The following PDE4B variants were observed in gnomAD, a reference collection of about 807,000 sequenced individuals.
The protein encoded by PDE4B is phosphodiesterase 4B, also known as 3',5'-cyclic-AMP phosphodiesterase 4B.
A neutral mutation model predicts 82.2 loss-of-function variants in PDE4B; 20 were observed. That is an observed-to-expected ratio of 0.24 (90% CI 0.17 to 0.35). The LOEUF (loss-of-function observed/expected upper bound fraction) is 0.35, where lower values mean the gene tolerates loss of function less well. Among genes scored for constraint, PDE4B ranks in the 10% least tolerant of loss-of-function variants. The pLI, the probability that PDE4B is intolerant of heterozygous loss-of-function variation, is 1.00. For synonymous variants in PDE4B, 320 were observed against 318.9 expected (o/e 1.00, Z -0.04); for missense variants, 655 against 907.2 (o/e 0.72, Z 3.57).
intron 1 of PDE4B, among the ~76,000 whole-genome samples, chr1:65,857,889 CTT>C (rs758685296): frequency 2.8e-5 from 4 of 144,386 alleles, no homozygotes; most frequent in Non-Finnish European, 3.0e-5. Context: ...ATCTTGACTC[CTT>C]TTTTTTTTTT....
rs895998620 is a variant in PDE4B, at chr1:66,189,664, G to A, written c.282-57796G>A. Among the ~76,000 whole-genome samples the A allele has an allele frequency of 2.6e-5, 4 of 152,274 alleles. No homozygotes were observed. In the East Asian group the frequency reaches 7.7e-4, roughly 29 times the overall value. ...TGTGCATTCGTCACGTAGTTCTCAT[G>A]CCATGGTTTTCAGCTCCCTCAGGTC... On this transcript the variant is annotated intron_variant, in intron 3 of 16. Transcript: ENST00000341517.
At chr1:65,948,718 G>A (rs1434416077) in intron 3 of PDE4B, among the ~76,000 whole-genome samples, 1 of 152,026 alleles carries the variant, frequency 6.6e-6, no homozygotes, top group African/African-American at 2.4e-5. Context: ...CAATGATGGT[G>A]TTTGGGATCT....
intron 3 of PDE4B, among the ~76,000 whole-genome samples, chr1:66,180,480 T>G (rs1647039850): frequency 6.6e-6 from 1 of 152,162 alleles, no homozygotes; most frequent in Admixed American, 6.6e-5. Context: ...TTTAAAAAGA[T>G]AATCATAGAA....
intron 3 of PDE4B, among the ~76,000 whole-genome samples, chr1:66,147,409 T>A (rs1052650287): frequency 6.6e-6 from 1 of 152,148 alleles, no homozygotes; most frequent in Non-Finnish European, 1.5e-5. Flanking sequence ...GATGGCAGGA[T>A]TGGGAAAGGG....
At chr1:65,837,991 T>C (rs1646161140) in intron 1 of PDE4B, among the ~76,000 whole-genome samples, 2 of 152,212 alleles carry the variant, frequency 1.3e-5, no homozygotes, top group Non-Finnish European at 2.9e-5. Flanking sequence ...TTAGCACAAC[T>C]CCTGTAGTGT....
rs563721797 is a variant in PDE4B, at chr1:66,012,290, C to T, written c.281+93455C>T. Among the ~76,000 whole-genome samples the T allele has an allele frequency of 2.0e-5, 3 of 152,222 alleles. No individual in the cohort carries two copies. In the South Asian group the frequency reaches 6.2e-4, roughly 32 times the overall value. ...TTCACTTTTAACATGTTCTCAAATT[C>T]TCTAGGCGTTTAATGTTTCCATCTG... On this transcript the variant is annotated intron_variant, in intron 3 of 16. Coordinates refer to ENST00000341517, the MANE Select transcript of PDE4B (RefSeq NM_002600.4).
chr1:66,055,591 T>A (rs915625345), intron 3 of PDE4B, among the ~76,000 whole-genome samples: 3 of 152,162 alleles, frequency 2.0e-5, no homozygotes, highest in South Asian at 4.2e-4. Context: ...GAATAAGAAA[T>A]TATTTTTAAA....
intron 3 of PDE4B, among the ~76,000 whole-genome samples, chr1:66,033,649 G>A (rs1218832856): frequency 6.6e-6 from 1 of 150,388 alleles, no homozygotes. Flanking sequence ...AAGCAAGACT[G>A]ACTCAGGAAA....
intron 3 of PDE4B, among the ~76,000 whole-genome samples, chr1:66,050,252 C>G (rs1263972523): frequency 6.6e-6 from 1 of 151,910 alleles, no homozygotes. Flanking sequence ...TTACTAATGA[C>G]TCAGCTGCTT....
intron 3 of PDE4B, among the ~76,000 whole-genome samples, chr1:66,102,868 AG>A (rs2101026127): frequency 6.6e-6 from 1 of 152,180 alleles, no homozygotes; most frequent in Non-Finnish European, 1.5e-5. Flanking sequence ...GGTTTCAAAT[AG>A]TTTAGTTATT....
At chr1:65,817,768 A>G (rs1645903498) in intron 1 of PDE4B, among the ~76,000 whole-genome samples, 1 of 152,212 alleles carries the variant, frequency 6.6e-6, no homozygotes, top group South Asian at 2.1e-4. Flanking sequence ...ATTTTCAAAA[A>G]CAATTATGTA....
At chr1:66,047,641 G>C (rs1654789245) in intron 3 of PDE4B, among the ~76,000 whole-genome samples, 2 of 151,896 alleles carry the variant, frequency 1.3e-5, no homozygotes, top group Non-Finnish European at 2.9e-5. Flanking sequence ...AGTTTTTCAT[G>C]CTTTAGACTC....
At chr1:66,355,349 A>C (rs1662153764) in intron 8 of PDE4B, 178 bp from the exon 9 acceptor site, 1 of 435,392 alleles carries the variant, frequency 2.3e-6, no homozygotes, top group African/African-American at 2.0e-5. Flanking sequence ...CCTCTTTTCC[A>C]AAAGTGACGT....
chr1:65,817,729 A>G (rs976688416), intron 1 of PDE4B, among the ~76,000 whole-genome samples: 2 of 152,226 alleles, frequency 1.3e-5, no homozygotes, highest in Non-Finnish European at 2.9e-5. Flanking sequence ...AGATTTATCC[A>G]TTTTGTTTGC....
At chr1:65,964,851 G>T (rs1002641941) in intron 3 of PDE4B, among the ~76,000 whole-genome samples, 2 of 152,100 alleles carry the variant, frequency 1.3e-5, no homozygotes, top group African/African-American at 4.8e-5. Flanking sequence ...GTGTGTGTGT[G>T]TATTACATAT....
chr1:66,018,483 A>G (rs532495516), intron 3 of PDE4B, among the ~76,000 whole-genome samples: 1 of 152,268 alleles, frequency 6.6e-6, no homozygotes, highest in South Asian at 2.1e-4. Flanking sequence ...AATACAGTAG[A>G]TTCTGCTTGA....
At chr1:66,282,169 T>C (rs1479131289) in intron 7 of PDE4B, among the ~76,000 whole-genome samples, 1 of 152,248 alleles carries the variant, frequency 6.6e-6, no homozygotes, top group Non-Finnish European at 1.5e-5. Flanking sequence ...TAATCTGTTT[T>C]TTTTTCCTCC....
chr1:65,917,266 T>C (rs1647172746), intron 2 of PDE4B, among the ~76,000 whole-genome samples: 1 of 152,108 alleles, frequency 6.6e-6, no homozygotes, highest in Admixed American at 6.6e-5. Flanking sequence ...ATAGGGGCCG[T>C]GGGGTAGAGG....
intron 9 of PDE4B, among the ~76,000 whole-genome samples, chr1:66,356,681 T>G (rs986800873): frequency 6.6e-6 from 1 of 152,364 alleles, no homozygotes; most frequent in African/African-American, 2.4e-5. Context: ...CCTATTTCTC[T>G]AACACCAAAG....
Sources: allele counts gnomAD v4.1 joint callset (sites outside exome capture counted in the v4.1 genomes callset), GRCh38; gene constraint gnomAD v4.1.1; transcripts MANE v1.5; gene names NCBI Gene and HGNC (gene_info 2026-07-23, HGNC 2026-07-21).